The following DCDC2 variants were observed in gnomAD, a reference collection of about 807,000 sequenced individuals.
The protein encoded by DCDC2 is doublecortin domain containing 2, also known as doublecortin domain-containing protein 2.
DCDC2 carries 40 observed loss-of-function variants against 50.2 expected under a neutral mutation model. The ratio of observed to expected loss-of-function variants is 0.80; its 90% CI spans 0.62 to 1.04. The LOEUF (loss-of-function observed/expected upper bound fraction) is 1.04. Ranked by LOEUF, DCDC2 falls within the 50% of genes least tolerant of loss-of-function variation. The probability of loss-of-function intolerance (pLI) is 0.00; values close to 1 mark genes in which losing one functional copy is unlikely to be tolerated. For synonymous variants in DCDC2, 234 were observed against 210.6 expected (o/e 1.11, Z -0.96); for missense variants, 570 against 581.9 (o/e 0.98, Z 0.21).
chr6:24,298,683 A>G (rs896796964), intron 4 of DCDC2, among the ~76,000 whole-genome samples: 1 of 152,226 alleles, frequency 6.6e-6, no homozygotes, highest in African/African-American at 2.4e-5. Context: ...ATGATGTTGT[A>G]TATTAAATAA....
At chr6:24,369,604 G>A in the DCDC2 span, among the ~76,000 whole-genome samples, 8 of 150,858 alleles carry the variant, frequency 5.3e-5, no homozygotes, top group African/African-American at 1.7e-4. Context: ...GCGGGACTCC[G>A]TCTCAAAAAA....
intron 7 of DCDC2, among the ~76,000 whole-genome samples, chr6:24,260,313 A>G (rs1382678336): frequency 6.6e-6 from 1 of 152,292 alleles, no homozygotes; most frequent in African/African-American, 2.4e-5. Context: ...TTCTGGTACT[A>G]AAGTTCCTCA....
In DCDC2 at chr6:24,205,060, C is replaced by G. The variant is rs77150627; in HGVS notation, c.965G>C (p.Arg322Pro). The G allele has an allele frequency of 2.2e-5, 36 of 1,613,994 alleles. No individual in the cohort carries two copies. The highest frequency in any genetic ancestry group is 8.9e-5 in the East Asian group (4 of 44,888). The change falls in exon 8 of 10, where the codon CGG (arginine) becomes CCG (proline). Residue 322 changes from arginine to proline, a missense_variant. By Grantham distance (103) the Arg-to-Pro change is moderately radical. Coordinates refer to ENST00000378454, the MANE Select transcript of DCDC2 (RefSeq NM_016356.5). ...FKAGAERSET[R>P]GAAEVQEDED... ...ATCTTCTTGGACTTCTGCTGCCCCCCGTGTTTCAGACCTCTCTGCTCCAGC... is the reference window on the plus strand; with the variant it reads ...ATCTTCTTGGACTTCTGCTGCCCCCGGTGTTTCAGACCTCTCTGCTCCAGC...
chr6:24,288,133 G>A (rs1344681464), intron 6 of DCDC2, among the ~76,000 whole-genome samples: 1 of 152,148 alleles, frequency 6.6e-6, no homozygotes, highest in Non-Finnish European at 1.5e-5. Flanking sequence ...TAAGAATGTT[G>A]CTTAATTAAT....
At chr6:24,335,048 T>C (rs1025658253) in intron 2 of DCDC2, among the ~76,000 whole-genome samples, 3 of 152,188 alleles carry the variant, frequency 2.0e-5, no homozygotes, top group African/African-American at 7.2e-5. Flanking sequence ...AACCCTCTAC[T>C]TGATTTGTGT....
At chr6:24,189,900 AG>A (rs1470064975) in intron 8 of DCDC2, among the ~76,000 whole-genome samples, 1 of 152,180 alleles carries the variant, frequency 6.6e-6, no homozygotes, top group African/African-American at 2.4e-5. Flanking sequence ...ATTCAGGCAT[AG>A]ATGTTGAAAA....
intron 7 of DCDC2, among the ~76,000 whole-genome samples, chr6:24,218,447 CT>C (rs1762026867): frequency 6.6e-6 from 1 of 152,128 alleles, no homozygotes; most frequent in African/African-American, 2.4e-5. Context: ...TGTATGTATG[CT>C]GTATTTTAGA....
chr6:24,379,957 G>T, the DCDC2 span, among the ~76,000 whole-genome samples: 2 of 147,052 alleles, frequency 1.4e-5, no homozygotes, highest in African/African-American at 5.0e-5. Context: ...ACCAAACACC[G>T]CATGTTCTCA....
At chr6:24,331,729 T>C (rs552694278) in intron 2 of DCDC2, among the ~76,000 whole-genome samples, 23 of 152,254 alleles carry the variant, frequency 1.5e-4, no homozygotes, top group African/African-American at 5.1e-4. Flanking sequence ...ATTGTACATG[T>C]AATAACATAT....
rs2127257498 is a variant in DCDC2, at chr6:24,357,474, C to T, written c.277G>A (p.Ala93Thr). ...CCGACTCACTTGAGTTTCTTGAAGG[C>T]TTCCTGGCCTCCAGCCACGTAATTG... Reference protein sequence around the residue: ...GGNYVAGGQEAFKKLNYLDIG... With the variant: ...GGNYVAGGQETFKKLNYLDIG... The change falls in exon 1 of 10, where the codon GCC (alanine) becomes ACC (threonine). Residue 93 changes from alanine to threonine, a missense_variant. By Grantham distance (58) the Ala-to-Thr change is moderately conservative. Coordinates refer to ENST00000378454, the MANE Select transcript of DCDC2 (RefSeq NM_016356.5). The T allele has an allele frequency of 1.9e-6, 3 of 1,606,580 alleles. No individual in the cohort carries two copies. Among genetic ancestry groups the T allele is most frequent in the Non-Finnish European group, 2.6e-6 (3 of 1,175,594 alleles).
At chr6:24,220,499 C>T (rs1357841878) in intron 7 of DCDC2, among the ~76,000 whole-genome samples, 3 of 152,230 alleles carry the variant, frequency 2.0e-5, no homozygotes, top group Non-Finnish European at 4.4e-5. Context: ...TGAGGTCCTA[C>T]ATCTTCATTT....
At position 24,221,419 on chromosome 6, in the gene DCDC2, T is replaced by G. The variant is rs535107861; in HGVS notation, c.923-16317A>C. ...TCTCCTCACAGCCATGTTTTTCCCT[T>G]CAAGACACAACGTGATGGCCACCTC... On this transcript the variant is annotated intron_variant, in intron 7 of 9. Transcript: ENST00000378454. 2.4e-4 allele frequency among the ~76,000 whole-genome samples: 37 copies of G among 152,292 alleles called. 1 individual carries two copies. The East Asian group carries it at 6.6e-3, about 27-fold the overall frequency.
At chr6:24,331,299 CTT>C (rs58756557) in intron 2 of DCDC2, among the ~76,000 whole-genome samples, 62 of 145,954 alleles carry the variant, frequency 4.2e-4, no homozygotes, top group Middle Eastern at 3.5e-3. Flanking sequence ...CTATATATAC[CTT>C]TTTTTTTTTT....
the DCDC2 span, among the ~76,000 whole-genome samples, chr6:24,379,186 A>G: frequency 6.6e-6 from 1 of 152,198 alleles, no homozygotes; most frequent in African/African-American, 2.4e-5. Context: ...AAAAGCCAAA[A>G]TAGAAATCTA....
chr6:24,337,424 A>C (rs528253161), intron 2 of DCDC2, among the ~76,000 whole-genome samples: 1 of 152,210 alleles, frequency 6.6e-6, no homozygotes, highest in African/African-American at 2.4e-5. Context: ...GCAAAGCCAA[A>C]AAAAAAAATG....
chr6:24,284,641 GC>G (rs1763554950), intron 6 of DCDC2, among the ~76,000 whole-genome samples: 1 of 150,704 alleles, frequency 6.6e-6, no homozygotes, highest in Non-Finnish European at 1.5e-5. Context: ...TTTTTTTGAA[GC>G]AAATTATATC....
At chr6:24,377,092 G>GA in the DCDC2 span, among the ~76,000 whole-genome samples, 3 of 152,174 alleles carry the variant, frequency 2.0e-5, no homozygotes, top group East Asian at 1.9e-4. Flanking sequence ...CAGCAAGGAA[G>GA]AAAAAATTGC....
chr6:24,339,031 CAT>C (rs34301139), intron 2 of DCDC2, among the ~76,000 whole-genome samples: 48,663 of 151,886 alleles, frequency 0.32, 9,263 homozygotes, highest in African/African-American at 0.54. Flanking sequence ...TTATCTCTCA[CAT>C]AGTTCCATTC....
At chr6:24,286,726 T>G (rs961080214) in intron 6 of DCDC2, among the ~76,000 whole-genome samples, 11 of 152,192 alleles carry the variant, frequency 7.2e-5, no homozygotes, top group Admixed American at 5.9e-4. Context: ...ACTCAACATG[T>G]TTGAAATTAC....
Sources: allele counts gnomAD v4.1 joint callset (sites outside exome capture counted in the v4.1 genomes callset), GRCh38; gene constraint gnomAD v4.1.1; transcripts MANE v1.5; gene names NCBI Gene and HGNC (gene_info 2026-07-23, HGNC 2026-07-21).